GLRA2: variants seen among roughly 807,000 people sequenced by gnomAD.
GLRA2 encodes the protein glycine receptor alpha 2.
In GLRA2, 11 loss-of-function variants were observed where a neutral mutation model predicts 31.6. The observed-to-expected ratio is 0.35, with a 90% CI of 0.22 to 0.58. The LOEUF is 0.58. Among genes scored for constraint, GLRA2 ranks in the 20% least tolerant of loss-of-function variants. The pLI is 0.84. For missense variants in GLRA2, 212 were observed against 351.8 expected, an observed-to-expected ratio of 0.60 and a Z score of 3.18; for synonymous variants, 132 against 134.0, an observed-to-expected ratio of 0.99 and a Z score of 0.10.
At position 14,686,111 on chromosome X, in the gene GLRA2, G is replaced by A. The variant is rs1233363863; in HGVS notation, c.931-4599G>A. Reference sequence around the variant, plus strand: ...GAACAGGTTGTTCAGTTTCCATGTAGTTGTGTAGTTTTGAGTGAGTTTCTT... The same window carrying A: ...GAACAGGTTGTTCAGTTTCCATGTAATTGTGTAGTTTTGAGTGAGTTTCTT... On this transcript the variant is annotated intron_variant, in intron 7 of 8. Transcript: ENST00000218075. Among the ~76,000 whole-genome samples the A allele has an allele frequency of 3.6e-5, 4 of 111,916 alleles. No homozygotes were observed. The South Asian group carries it at 1.1e-3, about 32-fold the overall frequency.
chrX:14,514,174 G>A, the GLRA2 span, among the ~76,000 whole-genome samples: 1 of 110,280 alleles, frequency 9.1e-6, no homozygotes. Context: ...AACATCATAT[G>A]TTCTCACTCA....
At chrX:14,593,267 TGTG>T (rs200187867) in intron 4 of GLRA2, among the ~76,000 whole-genome samples, 23,216 of 111,227 alleles carry the variant, frequency 0.21, 2,371 homozygotes, top group Non-Finnish European at 0.32. Flanking sequence ...TCTTCTCGCT[TGTG>T]GTGTTTAAAA....
At chrX:14,649,811 T>C (rs1274950874) in intron 7 of GLRA2, among the ~76,000 whole-genome samples, 4 of 112,098 alleles carry the variant, frequency 3.6e-5, no homozygotes, top group African/African-American at 1.3e-4. Flanking sequence ...CTGCTTACTC[T>C]AAAAAACATG....
At chrX:14,594,171 C>A (rs1019887887) in intron 4 of GLRA2, among the ~76,000 whole-genome samples, 3 of 111,701 alleles carry the variant, frequency 2.7e-5, no homozygotes, top group Admixed American at 1.9e-4. Context: ...CAATTTTGCC[C>A]TCAGTTGTCA....
At chrX:14,721,174 C>A (rs190679873) in intron 8 of GLRA2, among the ~76,000 whole-genome samples, 31 of 109,099 alleles carry the variant, frequency 2.8e-4, no homozygotes, top group African/African-American at 1.0e-3. Context: ...TTATAATCCA[C>A]TTCATTAGAC....
chrX:14,711,927 T>C (rs989973129), intron 8 of GLRA2, among the ~76,000 whole-genome samples: 2 of 112,728 alleles, frequency 1.8e-5, no homozygotes, highest in African/African-American at 6.4e-5. Flanking sequence ...TTATTTAAGC[T>C]ACTATGAGTG....
chrX:14,704,512 T>C (rs1054511673), intron 8 of GLRA2, among the ~76,000 whole-genome samples: 2 of 112,598 alleles, frequency 1.8e-5, no homozygotes, highest in Non-Finnish European at 3.7e-5. Flanking sequence ...ACATCAGAGA[T>C]GTGGGTTTGC....
At chrX:14,677,243 A>G (rs1266883373) in intron 7 of GLRA2, among the ~76,000 whole-genome samples, 1 of 110,831 alleles carries the variant, frequency 9.0e-6, no homozygotes, top group Non-Finnish European at 1.9e-5. Context: ...TAAAGCAATA[A>G]TTGTGAAAGG....
At chrX:14,623,023 G>A (rs763808071) in intron 7 of GLRA2, among the ~76,000 whole-genome samples, 32 of 111,157 alleles carry the variant, frequency 2.9e-4, no homozygotes, top group African/African-American at 7.2e-4. Flanking sequence ...CTTTTATTTC[G>A]TTGAGCAGTG....
At chrX:14,728,430 T>C (rs749690519) in intron 8 of GLRA2, among the ~76,000 whole-genome samples, 13 of 111,876 alleles carry the variant, frequency 1.2e-4, no homozygotes, top group African/African-American at 3.9e-4. Flanking sequence ...AATTTTTTAT[T>C]GGAAGCACTA....
chrX:14,449,460 T>G, the GLRA2 span, among the ~76,000 whole-genome samples: 1 of 112,524 alleles, frequency 8.9e-6, no homozygotes, highest in African/African-American at 3.2e-5. Flanking sequence ...TTCAGTAAAA[T>G]GCAGCCATAG....
intron 3 of GLRA2, among the ~76,000 whole-genome samples, chrX:14,578,853 A>G (rs1172194713): frequency 9.0e-6 from 1 of 111,636 alleles, no homozygotes; most frequent in Non-Finnish European, 1.9e-5. Context: ...CCAGCTTCCA[A>G]ATGACTGCCT....
chrX:14,487,387 T>TAAAAAA, the GLRA2 span, among the ~76,000 whole-genome samples: 1 of 27,946 alleles, frequency 3.6e-5, no homozygotes, highest in African/African-American at 1.2e-4. Context: ...TGGTTTTCTG[T>TAAAAAA]AAAAAAAAAA....
At chrX:14,555,248 G>GT (rs771748766) in intron 2 of GLRA2, among the ~76,000 whole-genome samples, 21 of 111,975 alleles carry the variant, frequency 1.9e-4, no homozygotes, top group Non-Finnish European at 3.6e-4. Flanking sequence ...GAAAGAGATG[G>GT]TAACAGAAAA....
At chrX:14,481,795 T>A in the GLRA2 span, among the ~76,000 whole-genome samples, 1 of 110,204 alleles carries the variant, frequency 9.1e-6, no homozygotes, top group African/African-American at 3.3e-5. Flanking sequence ...AAAACACACA[T>A]GTATGTGCAT....
At chrX:14,465,974 T>A in the GLRA2 span, among the ~76,000 whole-genome samples, 1 of 112,167 alleles carries the variant, frequency 8.9e-6, no homozygotes, top group African/African-American at 3.2e-5. Flanking sequence ...AGGTTTCAGA[T>A]AAAAATGGGC....
intron 8 of GLRA2, among the ~76,000 whole-genome samples, chrX:14,721,634 A>G (rs2091866511): frequency 9.0e-6 from 1 of 111,485 alleles, no homozygotes; most frequent in Non-Finnish European, 1.9e-5. Flanking sequence ...AGGTTTTAAC[A>G]AAGAATCGTA....
At chrX:14,705,290 A>G (rs1255414606) in intron 8 of GLRA2, among the ~76,000 whole-genome samples, 1 of 111,733 alleles carries the variant, frequency 8.9e-6, no homozygotes, top group Non-Finnish European at 1.9e-5. Context: ...GTTTGATCTA[A>G]GGCAGTGGTT....
the GLRA2 span, among the ~76,000 whole-genome samples, chrX:14,523,501 A>G: frequency 7.0e-4 from 79 of 112,268 alleles, 1 homozygote; most frequent in Non-Finnish European, 1.1e-3. Context: ...CTGTCTGTGC[A>G]AGAGGCCTAA....
Sources: allele counts gnomAD v4.1 joint callset (sites outside exome capture counted in the v4.1 genomes callset), GRCh38; gene constraint gnomAD v4.1.1; transcripts MANE v1.5; gene names NCBI Gene and HGNC (gene_info 2026-07-23, HGNC 2026-07-21).